The following SYTL1 variants were observed in gnomAD, a reference collection of about 807,000 sequenced individuals.
SYTL1 encodes synaptotagmin-like protein 1.
SYTL1 carries 53 observed loss-of-function variants against 74.6 expected under a neutral mutation model. That is an observed-to-expected ratio of 0.71 (90% CI 0.57 to 0.89). The LOEUF is 0.89. Among genes scored for constraint, SYTL1 ranks in the 40% least tolerant of loss-of-function variants. The pLI is 0.00. For missense variants in SYTL1, 728 were observed against 768.7 expected (o/e 0.95, Z 0.63); for synonymous variants, 329 against 324.9 (o/e 1.01, Z -0.14).
At position 27,349,575 on chromosome 1, in the gene SYTL1, C is replaced by G. The variant is rs746455885; in HGVS notation, c.633+77C>G. 1.4e-5 allele frequency: 21 copies of G among 1,507,854 alleles called. 1 individual carries two copies. The South Asian group carries it at 2.5e-4, about 18-fold the overall frequency. 93.4% of individuals were successfully genotyped at this position (1,507,854 alleles called of 1,614,324 possible). On this transcript the variant is annotated intron_variant, in intron 7 of 14. Transcript: ENST00000616558. The stretch of plus-strand genomic sequence containing the variant: ...CGGGGAGCGCTCCTGCCCAGGGCTG[C>G]GAGCCGCCCGCGACCCAGGGCGCTC...
In SYTL1 at chr1:27,353,480, T is replaced by G. The variant is rs766076126; in HGVS notation, c.1541T>G (p.Leu514Arg). The change falls in exon 14 of 15, where the codon CTG becomes CGG. Residue 514 changes from leucine to arginine, a missense_variant. Coordinates refer to ENST00000616558, the MANE Select transcript of SYTL1 (RefSeq NM_001193308.2). ...NRQLGGTRLS[L>R]GTGSSYGLQV... ...CAGCTGGGGGGCACACGCCTCAGCCTGGGCACCGGTAAGTGGGACAGCACC... is the reference window on the plus strand; with the variant it reads ...CAGCTGGGGGGCACACGCCTCAGCCGGGGCACCGGTAAGTGGGACAGCACC... 5 of 1,599,050 alleles carry G rather than the reference T, an allele frequency of 3.1e-6. No homozygotes were observed. Among genetic ancestry groups the G allele is most frequent in the Non-Finnish European group, 4.3e-6 (5 of 1,173,484 alleles).
Position 27,353,657 on chromosome 1 carries a change from G to A in SYTL1, c.1550-56G>A, listed in dbSNP as rs555780983. 2.5e-5 allele frequency: 39 copies of A among 1,585,750 alleles called. 1 individual carries two copies. In the South Asian group the frequency reaches 2.5e-4, roughly 10 times the overall value. On this transcript the variant is annotated intron_variant, in intron 14 of 14. Transcript: ENST00000616558. ...AATCTGGGACCAGGCAGGTGTTTGG[G>A]GGCCCCAAGGTGTCCAGTGTGATCA...
chr1:27,345,593 C>G lies in SYTL1; in HGVS notation c.191+68C>G. 9.3e-7 allele frequency: 1 copy of G among 1,078,754 alleles called. No individual in the cohort carries two copies. Among genetic ancestry groups the G allele is most frequent in the Non-Finnish European group, 1.3e-6 (1 of 756,998 alleles). The allele number at this position is 1,078,754 out of a possible 1,614,324, so 66.8% of individuals were successfully genotyped here. A position where few individuals can be genotyped will look rare whatever the true frequency, so the allele number is the denominator to read the frequency against. On this transcript the variant is annotated intron_variant, in intron 2 of 14. Coordinates refer to ENST00000616558, the MANE Select transcript of SYTL1 (RefSeq NM_001193308.2). This position sits in a 1 kb window ranked among gnomAD's most constrained non-coding sequence, Gnocchi z 6.0. Reference sequence around the variant, plus strand: ...GAGTGGCCCCCATCCTGCTCCCTACCGACACCACTGCCTGTCAGATGTCTG... The same window carrying G: ...GAGTGGCCCCCATCCTGCTCCCTACGGACACCACTGCCTGTCAGATGTCTG...
chr1:27,350,125 T>C lies in SYTL1; in HGVS notation c.901T>C (p.Ser301Pro). 1 of 1,395,272 alleles carries C rather than the reference T, an allele frequency of 7.2e-7. No homozygotes were observed. Among genetic ancestry groups the C allele is most frequent in the Non-Finnish European group, 9.3e-7 (1 of 1,077,498 alleles). 86.4% of individuals were successfully genotyped at this position (1,395,272 alleles called of 1,614,324 possible). A position where few individuals can be genotyped will look rare whatever the true frequency, so the allele number is the denominator to read the frequency against. ...CCTGGCCGCCGCCCGGCGCCGCCGCTCGGACCCGTGAGTGCCCCGCCGGCC... is the reference window on the plus strand; with the variant it reads ...CCTGGCCGCCGCCCGGCGCCGCCGCCCGGACCCGTGAGTGCCCCGCCGGCC... ...QGLAAARRRRSDPYVKSYLLP... is the reference protein window; with the variant it reads ...QGLAAARRRRPDPYVKSYLLP... Residue 301 changes from serine (S) to proline (P), a missense_variant, in exon 9 of 15, where the codon TCG (serine) becomes CCG (proline). Physicochemically the swap from Ser to Pro is moderately conservative, Grantham distance 74 (BLOSUM62 -1). Coordinates refer to ENST00000616558, the MANE Select transcript of SYTL1 (RefSeq NM_001193308.2). This position sits in a 1 kb window ranked among gnomAD's most constrained non-coding sequence, Gnocchi z 6.3.
chr1:27,347,768 C>T lies in SYTL1; in HGVS notation c.341-40C>T. ...CTCTCCCGAGTCACAGCCAGGCTTC[C>T]TGAGCATGGGGGCTCACAGAACTTC... On this transcript the variant is annotated intron_variant, in intron 3 of 14. Transcript: ENST00000616558. This position sits in a 1 kb window ranked among gnomAD's most constrained non-coding sequence, Gnocchi z 4.9. The T allele has an allele frequency of 6.3e-7, 1 of 1,592,758 alleles. No individual in the cohort carries two copies. Among genetic ancestry groups the T allele is most frequent in the South Asian group, 1.1e-5 (1 of 88,278 alleles).
At chr1:27,353,555 G>A in intron 14 of SYTL1, 67 bp downstream of exon 14, 13 of 1,543,306 alleles carry the variant, frequency 8.4e-6, no homozygotes, top group Non-Finnish European at 1.1e-5. Flanking sequence ...TCAGTGTGTG[G>A]CCCTGGATAC....
rs1339554862 is a variant in SYTL1 at position 27,343,554 on chromosome 1, G to C, written c.-39+1404G>C. ...GGAGGTGGTGGCAGGAGGGGACCCA[G>C]GCTGTGAGGTTCCTGGTGCGGGGGA... On this transcript the variant is annotated intron_variant, in intron 1 of 14. Transcript: ENST00000616558. The surrounding 1 kb of genome is among the most constrained non-coding windows in gnomAD (Gnocchi z 5.2). 6.6e-6 allele frequency among the ~76,000 whole-genome samples: 1 copy of C among 152,106 alleles called. No homozygotes were observed. Among genetic ancestry groups the C allele is most frequent in the African/African-American group, 2.4e-5 (1 of 41,400 alleles).
chr1:27,353,061 C>T, intron 13 of SYTL1: 3 of 570,998 alleles, frequency 5.3e-6, no homozygotes, highest in Non-Finnish European at 3.1e-6. Flanking sequence ...GCTGGGATTA[C>T]AGGCGTGAGC....
chr1:27,353,083 G>T (rs1557548055), intron 13 of SYTL1, 200 bp from the exon 14 acceptor site: 1 of 616,136 alleles, frequency 1.6e-6, no homozygotes, highest in Middle Eastern at 4.4e-4. Context: ...ACCTCGCCCG[G>T]CCAGGAGCTG....
Position 27,349,271 on chromosome 1 carries a change from T to G in SYTL1, c.532+119T>G. On this transcript the variant is annotated intron_variant, in intron 6 of 14. Transcript: ENST00000616558. Reference sequence around the variant, plus strand: ...CCCCACTCCCACCCCGCGTCGGAGGTGGGGACGATCCCAGGGCAGCACCGG... The same window carrying G: ...CCCCACTCCCACCCCGCGTCGGAGGGGGGGACGATCCCAGGGCAGCACCGG... 4 of 1,473,292 alleles carry G rather than the reference T, an allele frequency of 2.7e-6. No individual in the cohort carries two copies. In the East Asian group the frequency reaches 9.6e-5, roughly 35 times the overall value. 91.3% of individuals were successfully genotyped at this position (1,473,292 alleles called of 1,614,324 possible).
intron 13 of SYTL1, 100 bp from the exon 14 acceptor site, chr1:27,353,183 G>A: frequency 8.1e-7 from 1 of 1,232,782 alleles, no homozygotes; most frequent in Non-Finnish European, 1.1e-6. Context: ...GGAGCCAGGG[G>A]ACATGGACAT....
At position 27,350,711 on chromosome 1, in the gene SYTL1, G is replaced by A; in HGVS notation, c.1006-83G>A. 2.0e-6 allele frequency: 3 copies of A among 1,520,386 alleles called. No homozygotes were observed. The highest frequency in any genetic ancestry group is 1.2e-5 in the South Asian group (1 of 82,566). The allele number at this position is 1,520,386 out of a possible 1,614,324, so 94.2% of individuals were successfully genotyped here. A position where few individuals can be genotyped will look rare whatever the true frequency, so the allele number is the denominator to read the frequency against. On this transcript the variant is annotated intron_variant, in intron 10 of 14. Transcript: ENST00000616558. This position sits in a 1 kb window ranked among gnomAD's most constrained non-coding sequence, Gnocchi z 6.3. ...CAGAATTCCATCATGGTAGGAACGC[G>A]GTAGGACCTGCCTCAGCCAACTCGC...
Position 27,351,405 on chromosome 1 carries a change from G to T in SYTL1, c.1244-51G>T. 1 of 1,504,998 alleles carries T rather than the reference G, an allele frequency of 6.6e-7. No homozygotes were observed. Among genetic ancestry groups the T allele is most frequent in the Non-Finnish European group, 8.9e-7 (1 of 1,121,414 alleles). The allele number at this position is 1,504,998 out of a possible 1,614,324, so 93.2% of individuals were successfully genotyped here. A position where few individuals can be genotyped will look rare whatever the true frequency, so the allele number is the denominator to read the frequency against. ...GCGGGAGACTCCAGTCCCCGGGTTT[G>T]GGGGCGGTGGACTCCATCCGTGTGC... On this transcript the variant is annotated intron_variant, in intron 12 of 14. Coordinates refer to ENST00000616558, the MANE Select transcript of SYTL1 (RefSeq NM_001193308.2). The surrounding 1 kb of genome is among the most constrained non-coding windows in gnomAD (Gnocchi z 5.0).
chr1:27,351,544 T>C lies in SYTL1; in HGVS notation c.1332T>C (p.Thr444=), dbSNP rs1187017966. 6.5e-7 allele frequency: 1 copy of C among 1,545,092 alleles called. No homozygotes were observed. Among genetic ancestry groups the C allele is most frequent in the Admixed American group, 2.0e-5 (1 of 49,980 alleles). ...CGCTGCGGGCAGGATCCCTGGACAC[T>C]TACGTACAATGGTGAGGAGTGCTGG... ...LLPLRAGSLD[T]YVQCFVLPDD... is the part of the protein sequence containing the mutation. Residue 444 remains threonine, a synonymous_variant, in exon 13 of 15, where the codon ACT becomes ACC. Transcript: ENST00000616558. The surrounding 1 kb of genome is among the most constrained non-coding windows in gnomAD (Gnocchi z 5.0).
At position 27,348,454 on chromosome 1, in the gene SYTL1, G is replaced by A. The variant is rs2015096355; in HGVS notation, c.459+442G>A. ...AAAAAGGCCGGTCGTGGCAGCTCAC[G>A]CCTATAATCCCAGCACTTTGGGAAG... is the stretch of plus-strand genomic sequence containing the variant. On this transcript the variant is annotated intron_variant, in intron 5 of 14. Transcript: ENST00000616558. This position sits in a 1 kb window ranked among gnomAD's most constrained non-coding sequence, Gnocchi z 4.1. 6.6e-6 allele frequency among the ~76,000 whole-genome samples: 1 copy of A among 151,812 alleles called. No individual in the cohort carries two copies. The highest frequency in any genetic ancestry group is 1.5e-5 in the Non-Finnish European group (1 of 67,938).
Position 27,345,476 on chromosome 1 carries a change from G to A in SYTL1, c.142G>A (p.Val48Ile), listed in dbSNP as rs537376314. Residue 48 changes from valine (V) to isoleucine (I), a missense_variant, in exon 2 of 15, where the codon GTC becomes ATC. Val to Ile is a conservative substitution (Grantham distance 29). Coordinates refer to ENST00000616558, the MANE Select transcript of SYTL1 (RefSeq NM_001193308.2). This position sits in a 1 kb window ranked among gnomAD's most constrained non-coding sequence, Gnocchi z 6.0. ...TEEEQEAIAGVLQRDARLRQL... is the reference protein window; with the variant it reads ...TEEEQEAIAGILQRDARLRQL... ...GGAGGAGCAGGAGGCCATTGCTGGC[G>A]TCCTCCAACGAGATGCCCGCCTGCG... 3.8e-5 allele frequency: 59 copies of A among 1,560,244 alleles called. No homozygotes were observed. The highest frequency in any genetic ancestry group is 1.7e-4 in the Middle Eastern group (1 of 5,942).
Position 27,351,528 on chromosome 1 carries a change from C to T in SYTL1, c.1316C>T (p.Ala439Val), listed in dbSNP as rs1229275894. ...KEARDLLPLR[A>V]GSLDTYVQCF... ...GCTCGGGACCTCCTGCCGCTGCGGG[C>T]AGGATCCCTGGACACTTACGTACAA... The change falls in exon 13 of 15, where the codon GCA (alanine) becomes GTA (valine). Residue 439 changes from alanine to valine, a missense_variant. Physicochemically the swap from Ala to Val is moderately conservative, Grantham distance 64. Coordinates refer to ENST00000616558, the MANE Select transcript of SYTL1 (RefSeq NM_001193308.2). This position sits in a 1 kb window ranked among gnomAD's most constrained non-coding sequence, Gnocchi z 5.0. 6.5e-7 allele frequency: 1 copy of T among 1,548,596 alleles called. No individual in the cohort carries two copies. The highest frequency in any genetic ancestry group is 1.2e-5 in the South Asian group (1 of 83,822).
Position 27,353,723 on chromosome 1 carries a change from T to C in SYTL1, c.1560T>C (p.Tyr520=), listed in dbSNP as rs747787937. ...TRLSLGTGSS[Y]GLQVPWMDST... is the part of the protein sequence containing the mutation. Reference sequence around the variant, plus strand: ...CCCACCCACATCCAGGCAGCAGCTATGGGCTGCAGGTGCCCTGGATGGATT... The same window carrying C: ...CCCACCCACATCCAGGCAGCAGCTACGGGCTGCAGGTGCCCTGGATGGATT... Residue 520 remains tyrosine (Y), a synonymous_variant, in exon 15 of 15, where the codon TAT becomes TAC. Transcript: ENST00000616558. 1.2e-6 allele frequency: 2 copies of C among 1,613,598 alleles called. No individual in the cohort carries two copies. The highest frequency in any genetic ancestry group is 1.1e-5 in the South Asian group (1 of 91,056).
At position 27,348,942 on chromosome 1, in the gene SYTL1, C is replaced by A; in HGVS notation, c.460-138C>A. On this transcript the variant is annotated intron_variant, in intron 5 of 14. Coordinates refer to ENST00000616558, the MANE Select transcript of SYTL1 (RefSeq NM_001193308.2). This position sits in a 1 kb window ranked among gnomAD's most constrained non-coding sequence, Gnocchi z 4.1. ...TCTCACCGCTCCTGCAGCTGGCTGCCAGCCCTGCCCGGAGGGCTGCCCTAA... is the reference window on the plus strand; with the variant it reads ...TCTCACCGCTCCTGCAGCTGGCTGCAAGCCCTGCCCGGAGGGCTGCCCTAA... The A allele has an allele frequency of 3.0e-6, 2 of 669,418 alleles. No homozygotes were observed. Among genetic ancestry groups the A allele is most frequent in the Non-Finnish European group, 2.6e-6 (1 of 391,004 alleles). The allele number at this position is 669,418 out of a possible 1,614,324, so 41.5% of individuals were successfully genotyped here.
Sources: allele counts gnomAD v4.1 joint callset (sites outside exome capture counted in the v4.1 genomes callset), GRCh38; gene constraint gnomAD v4.1.1; non-coding constraint Gnocchi (gnomAD v3.1); transcripts MANE v1.5; gene names NCBI Gene and HGNC (gene_info 2026-07-23, HGNC 2026-07-21).